The following GLMN variants were observed in gnomAD, a reference collection of about 807,000 sequenced individuals.
GLMN encodes glomulin.
In GLMN, 75 loss-of-function variants were observed where a neutral mutation model predicts 87.8. The ratio of observed to expected loss-of-function variants is 0.85; its 90% CI spans 0.71 to 1.04. The LOEUF (loss-of-function observed/expected upper bound fraction) is 1.04, where lower values mean the gene tolerates loss of function less well. GLMN is among the 50% of genes least tolerant of loss of function. The pLI, the probability that GLMN is intolerant of heterozygous loss-of-function variation, is 0.00. For synonymous variants in GLMN, 206 were observed against 221.6 expected (o/e 0.93, Z 0.63); for missense variants, 588 against 658.8 (o/e 0.89, Z 1.18).
the GLMN span, among the ~76,000 whole-genome samples, chr1:92,308,171 G>C: frequency 6.6e-6 from 1 of 152,064 alleles, no homozygotes. Context: ...GCTGACAACA[G>C]CACCTGTGAT....
chr1:92,271,206 C>T (rs1402744245), intron 8 of GLMN, among the ~76,000 whole-genome samples: 1 of 152,184 alleles, frequency 6.6e-6, no homozygotes, highest in Non-Finnish European at 1.5e-5. Flanking sequence ...TCAAAAGCTT[C>T]AAAACCAAGC....
At chr1:92,363,859 A>C in the GLMN span, 1 of 183,578 alleles carries the variant, frequency 5.4e-6, no homozygotes, top group Non-Finnish European at 1.2e-5. Flanking sequence ...ATATCCTTAC[A>C]TATGCATTAT....
At chr1:92,331,674 A>G in the GLMN span, among the ~76,000 whole-genome samples, 2 of 152,232 alleles carry the variant, frequency 1.3e-5, no homozygotes, top group Non-Finnish European at 2.9e-5. Context: ...CTAAATTTCA[A>G]ATATATTGCA....
At chr1:92,334,064 A>C in the GLMN span, among the ~76,000 whole-genome samples, 1 of 151,990 alleles carries the variant, frequency 6.6e-6, no homozygotes, top group South Asian at 2.1e-4. Flanking sequence ...TTTTTCCCAG[A>C]GGTATGAGGG....
chr1:92,307,174 A>C, the GLMN span: 1 of 1,574,266 alleles, frequency 6.4e-7, no homozygotes. Flanking sequence ...CTAGATTTAT[A>C]ATGTTCTTTT....
chr1:92,317,491 G>A, the GLMN span, among the ~76,000 whole-genome samples: 1 of 152,068 alleles, frequency 6.6e-6, no homozygotes, highest in African/African-American at 2.4e-5. Context: ...CTAGGCAACA[G>A]TGAGACTCTG....
At chr1:92,352,896 T>C in the GLMN span, among the ~76,000 whole-genome samples, 1 of 152,196 alleles carries the variant, frequency 6.6e-6, no homozygotes, top group African/African-American at 2.4e-5. Flanking sequence ...AAATCCATTC[T>C]CTTATCTTGA....
At position 92,269,760 on chromosome 1, in the gene GLMN, G is replaced by C. The variant is rs1469770808; in HGVS notation, c.940C>G (p.Gln314Glu). ...ACTTCAATGTGCCCCATATTAAACT[G>C]CAAAAGGTACAATGGGCTAAAATAG... The part of the protein sequence containing the change: ...PMVLSPLYLL[Q>E]FNMGHIEVFL... The change falls in exon 9 of 19, where the codon CAG becomes GAG. Residue 314 changes from glutamine to glutamate, a missense_variant. Gln to Glu is a conservative substitution (Grantham distance 29). Coordinates refer to ENST00000370360, the MANE Select transcript of GLMN (RefSeq NM_053274.3). 1 of 1,604,626 alleles carries C rather than the reference G, an allele frequency of 6.2e-7. No individual in the cohort carries two copies. The highest frequency in any genetic ancestry group is 1.3e-5 in the African/African-American group (1 of 74,812).
At chr1:92,328,180 C>T in the GLMN span, among the ~76,000 whole-genome samples, 3 of 152,094 alleles carry the variant, frequency 2.0e-5, no homozygotes, top group African/African-American at 7.2e-5. Context: ...CTTTGAGCTT[C>T]TTGTATTTGG....
At chr1:92,291,350 A>G in intron 4 of GLMN, 68 bp downstream of exon 4, 1 of 1,358,360 alleles carries the variant, frequency 7.4e-7, no homozygotes, top group Non-Finnish European at 1.1e-6. Flanking sequence ...CCAAACAATA[A>G]ACATTAAAGG....
At position 92,262,867 on chromosome 1, in the gene GLMN, T is replaced by C. The variant is rs149248328; in HGVS notation, c.1469A>G (p.Asn490Ser). 264 of 1,127,160 alleles carry C rather than the reference T, an allele frequency of 2.3e-4. 2 individuals carry two copies. In the African/African-American group the frequency reaches 3.7e-3, roughly 16 times the overall value. 69.8% of individuals were successfully genotyped at this position (1,127,160 alleles called of 1,614,324 possible). The change falls in exon 16 of 19, where the codon AAT becomes AGT. Residue 490 changes from asparagine to serine, a missense_variant. Physicochemically the swap from Asn to Ser is conservative, Grantham distance 46. Transcript: ENST00000370360. Reference protein sequence around the residue: ...YLVIKDNENDNQTGLWTELGN... With the variant: ...YLVIKDNENDSQTGLWTELGN... ...CTTTTCAAATACTTCACTTACTTGA[T>C]TGTCATTTTCATTATCTTTGATAAC...
At position 92,264,563 on chromosome 1, in the gene GLMN, C is replaced by T. The variant is rs191264623; in HGVS notation, c.1290G>A (p.Met430Ile). ...TTGGCTATGTTCTTACCTTTAATGA[C>T]ATGTCAATTTGATTTTTGATATTTT... ...IIQNIKNQIDMSLKRTRNNKW... is the reference protein window; with the variant it reads ...IIQNIKNQIDISLKRTRNNKW... Residue 430 changes from methionine to isoleucine, a missense_variant, in exon 14 of 19, where the codon ATG (methionine) becomes ATA (isoleucine). Transcript: ENST00000370360. 7.3e-6 allele frequency: 11 copies of T among 1,504,190 alleles called. No individual in the cohort carries two copies. The highest frequency in any genetic ancestry group is 1.0e-5 in the Non-Finnish European group (11 of 1,080,124). 93.2% of individuals were successfully genotyped at this position (1,504,190 alleles called of 1,614,324 possible). A position where few individuals can be genotyped will look rare whatever the true frequency, so the allele number is the denominator to read the frequency against.
At chr1:92,282,599 G>A (rs1261609638) in intron 7 of GLMN, among the ~76,000 whole-genome samples, 1 of 152,060 alleles carries the variant, frequency 6.6e-6, no homozygotes, top group Non-Finnish European at 1.5e-5. Flanking sequence ...TCAAAAGCTA[G>A]CAGAAGGCAA....
chr1:92,319,088 G>A, the GLMN span, among the ~76,000 whole-genome samples: 1 of 152,146 alleles, frequency 6.6e-6, no homozygotes, highest in Non-Finnish European at 1.5e-5. Context: ...ATACCCCAGA[G>A]TGGAGATTCA....
chr1:92,321,474 A>T, the GLMN span, among the ~76,000 whole-genome samples: 19 of 151,816 alleles, frequency 1.3e-4, no homozygotes, highest in African/African-American at 2.9e-4. Flanking sequence ...ATATATATAT[A>T]TATTTTTTTC....
the GLMN span, among the ~76,000 whole-genome samples, chr1:92,322,752 G>A: frequency 1.1e-4 from 16 of 147,100 alleles, no homozygotes; most frequent in East Asian, 6.2e-4. Flanking sequence ...TGGTGCCCAC[G>A]TGTAATCCCA....
chr1:92,303,871 C>A, upstream of GLMN: 1 of 659,626 alleles, frequency 1.5e-6, no homozygotes, highest in Non-Finnish European at 2.5e-6. Context: ...GAGGAAGGTA[C>A]TATTGCTATC....
the GLMN span, among the ~76,000 whole-genome samples, chr1:92,318,198 AC>A: frequency 6.6e-6 from 1 of 152,104 alleles, no homozygotes; most frequent in Non-Finnish European, 1.5e-5. Flanking sequence ...CTCCAGTCAT[AC>A]TTTTTTTCTA....
chr1:92,347,524 T>G, the GLMN span, among the ~76,000 whole-genome samples: 1 of 152,210 alleles, frequency 6.6e-6, no homozygotes, highest in African/African-American at 2.4e-5. Flanking sequence ...ATTATCATCA[T>G]GAGCACTGCT....
Sources: allele counts gnomAD v4.1 joint callset (sites outside exome capture counted in the v4.1 genomes callset), GRCh38; gene constraint gnomAD v4.1.1; transcripts MANE v1.5; gene names NCBI Gene and HGNC (gene_info 2026-07-23, HGNC 2026-07-21).